The following KCNQ5 variants were observed in gnomAD, a reference collection of about 807,000 sequenced individuals.
KCNQ5 encodes potassium voltage-gated channel subfamily Q member 5.
In KCNQ5, 30 loss-of-function variants were observed where a neutral mutation model predicts 98.2. That is an observed-to-expected ratio of 0.31 (90% CI 0.23 to 0.41). The LOEUF (loss-of-function observed/expected upper bound fraction) is 0.41. Ranked by LOEUF, KCNQ5 falls within the 10% of genes least tolerant of loss-of-function variation. The probability of loss-of-function intolerance (pLI) is 1.00; values close to 1 mark genes in which losing one functional copy is unlikely to be tolerated. For synonymous variants in KCNQ5, 458 were observed against 449.4 expected (o/e 1.02, Z -0.24); for missense variants, 835 against 1,182.5 (o/e 0.71, Z 4.31).
rs147854164 is a variant in KCNQ5 at position 72,959,364 on chromosome 6, G to A, written c.399-44544G>A. 7.2e-5 allele frequency among the ~76,000 whole-genome samples: 11 copies of A among 152,326 alleles called. No homozygotes were observed. In the Middle Eastern group the frequency reaches 0.014, roughly 188 times the overall value. The stretch of plus-strand genomic sequence containing the variant: ...ATATTTGGGCAAGGAAAGGAAGAGA[G>A]AATGGTTGCTAGAATTAAAGAACTC... On this transcript the variant is annotated intron_variant, in intron 1 of 13. Transcript: ENST00000370398.
intron 1 of KCNQ5, among the ~76,000 whole-genome samples, chr6:72,988,576 A>C (rs189876032): frequency 1.0e-3 from 153 of 152,240 alleles, no homozygotes; most frequent in African/African-American, 3.6e-3. Context: ...CCAGAGTGTA[A>C]TACCCATGTA....
chr6:72,767,478 T>C lies in KCNQ5; in HGVS notation c.398+144891T>C, dbSNP rs1772636373. On this transcript the variant is annotated intron_variant, in intron 1 of 13. Transcript: ENST00000370398. ...AAAACCCAGCAATAGAAGAAAAAAT[T>C]AGATAAATTTGATTTCATCAAAGTT... Among the ~76,000 whole-genome samples the C allele has an allele frequency of 2.0e-5, 3 of 151,986 alleles. No homozygotes were observed. In the South Asian group the frequency reaches 6.2e-4, roughly 32 times the overall value.
chr6:72,953,544 C>T (rs1766905265), intron 1 of KCNQ5, among the ~76,000 whole-genome samples: 1 of 152,130 alleles, frequency 6.6e-6, no homozygotes, highest in Non-Finnish European at 1.5e-5. Context: ...AACCTCTGTC[C>T]CTCTCCCTCC....
intron 5 of KCNQ5, among the ~76,000 whole-genome samples, chr6:73,093,129 C>G (rs2185772): frequency 0.87 from 132,678 of 152,148 alleles, 58,550 homozygotes; most frequent in South Asian, 0.96. Context: ...CTGATTTAAA[C>G]TAGGAGGGTT....
intron 1 of KCNQ5, among the ~76,000 whole-genome samples, chr6:72,695,875 A>G (rs536363430): frequency 2.0e-5 from 3 of 152,204 alleles, no homozygotes; most frequent in African/African-American, 4.8e-5. Context: ...AGCCTGGGCA[A>G]CATAGCAAGT....
intron 1 of KCNQ5, among the ~76,000 whole-genome samples, chr6:72,629,718 G>A (rs1006732563): frequency 6.6e-6 from 1 of 152,188 alleles, no homozygotes; most frequent in African/African-American, 2.4e-5. Context: ...ACTACTTGAA[G>A]CCCAATTGTT....
intron 1 of KCNQ5, among the ~76,000 whole-genome samples, chr6:72,982,482 C>T (rs1459232870): frequency 7.4e-6 from 1 of 134,532 alleles, no homozygotes; most frequent in African/African-American, 2.9e-5. Flanking sequence ...GGATTGCAAC[C>T]CCTGCTTTTT....
At position 72,635,238 on chromosome 6, in the gene KCNQ5, C is replaced by T. The variant is rs562090359; in HGVS notation, c.398+12651C>T. Among the ~76,000 whole-genome samples, 5 of 152,056 alleles carry T rather than the reference C, an allele frequency of 3.3e-5. No individual in the cohort carries two copies. The East Asian group carries it at 9.6e-4, about 29-fold the overall frequency. ...AGAGACAGGGTCTCACTATGTTGCT[C>T]AGGCTGGTTTTGAACTCCTGGGCTC... On this transcript the variant is annotated intron_variant, in intron 1 of 13. Transcript: ENST00000370398.
At chr6:73,042,699 C>A (rs922071018) in intron 3 of KCNQ5, among the ~76,000 whole-genome samples, 1 of 152,170 alleles carries the variant, frequency 6.6e-6, no homozygotes, top group African/African-American at 2.4e-5. Flanking sequence ...CTCTGCACCT[C>A]CCTAGCTGCC....
At chr6:72,635,677 T>G (rs955370269) in intron 1 of KCNQ5, among the ~76,000 whole-genome samples, 2 of 148,470 alleles carry the variant, frequency 1.3e-5, no homozygotes, top group East Asian at 1.9e-4. Context: ...CTAGTTTTTT[T>G]TTTTTTTTTT....
chr6:73,081,518 T>G (rs1385331738), intron 5 of KCNQ5, among the ~76,000 whole-genome samples: 2 of 152,174 alleles, frequency 1.3e-5, no homozygotes, highest in East Asian at 3.8e-4. Context: ...TTTCCTGCAC[T>G]CCAGCCTGGG....
chr6:73,045,533 C>T (rs1404829863), intron 3 of KCNQ5, among the ~76,000 whole-genome samples: 1 of 152,114 alleles, frequency 6.6e-6, no homozygotes, highest in East Asian at 1.9e-4. Flanking sequence ...GGATGACCAC[C>T]CAAGCTGCCC....
chr6:72,897,568 C>A (rs1410202587), intron 1 of KCNQ5, among the ~76,000 whole-genome samples: 9 of 152,052 alleles, frequency 5.9e-5, no homozygotes, highest in African/African-American at 9.7e-5. Context: ...AAATGAGGGT[C>A]ACTCAGAGAT....
intron 5 of KCNQ5, among the ~76,000 whole-genome samples, chr6:73,088,919 G>C (rs1480240140): frequency 6.6e-6 from 1 of 151,870 alleles, no homozygotes; most frequent in East Asian, 1.9e-4. Flanking sequence ...GTCTTAACTG[G>C]TCTCTGCACC....
chr6:72,667,263 A>G (rs1370356445), intron 1 of KCNQ5, among the ~76,000 whole-genome samples: 2 of 152,282 alleles, frequency 1.3e-5, no homozygotes, highest in Middle Eastern at 3.4e-3. Context: ...GCAGCCACCA[A>G]AGATGACTTA....
intron 1 of KCNQ5, among the ~76,000 whole-genome samples, chr6:72,928,518 A>G (rs933823734): frequency 2.0e-5 from 3 of 152,242 alleles, no homozygotes; most frequent in Middle Eastern, 3.4e-3. Flanking sequence ...ATAAATTTTT[A>G]AAGAAAATTC....
At chr6:72,941,331 TC>T in intron 1 of KCNQ5, among the ~76,000 whole-genome samples, 1 of 42,052 alleles carries the variant, frequency 2.4e-5, no homozygotes, top group Admixed American at 5.5e-4. Context: ...TTTCCTTCCT[TC>T]CTTCCTTCCT....
intron 1 of KCNQ5, among the ~76,000 whole-genome samples, chr6:72,803,953 G>A (rs892232291): frequency 5.3e-5 from 8 of 152,092 alleles, no homozygotes; most frequent in Admixed American, 3.3e-4. Context: ...ATAAAACATA[G>A]ACTCTTGAAT....
At chr6:72,679,230 C>T (rs1351860668) in intron 1 of KCNQ5, among the ~76,000 whole-genome samples, 1 of 152,096 alleles carries the variant, frequency 6.6e-6, no homozygotes, top group Non-Finnish European at 1.5e-5. Context: ...AGGGTATATA[C>T]CCAAAGGACT....
Sources: allele counts gnomAD v4.1 joint callset (sites outside exome capture counted in the v4.1 genomes callset), GRCh38; gene constraint gnomAD v4.1.1; transcripts MANE v1.5; gene names NCBI Gene and HGNC (gene_info 2026-07-23, HGNC 2026-07-21).